UBXN2A: variants seen among roughly 807,000 people sequenced by gnomAD.
UBXN2A encodes UBX domain-containing protein 2A.
Under a neutral mutation model 28.4 loss-of-function variants are expected in UBXN2A, and 28 were observed. That is an observed-to-expected ratio of 0.99 (90% CI 0.73 to 1.35). The LOEUF (loss-of-function observed/expected upper bound fraction) is 1.35. Among genes scored for constraint, UBXN2A ranks in the 40% most tolerant of loss-of-function variants. The pLI is 0.00. For synonymous variants in UBXN2A, 97 were observed against 103.6 expected, an observed-to-expected ratio of 0.94 and a Z score of 0.39; for missense variants, 253 against 297.9, an observed-to-expected ratio of 0.85 and a Z score of 1.11.
intron 6 of UBXN2A, among the ~76,000 whole-genome samples, chr2:23,987,278 A>G (rs1353547719): frequency 6.6e-6 from 1 of 152,168 alleles, no homozygotes; most frequent in Admixed American, 6.6e-5. Context: ...ACCTCAAAAC[A>G]TAGATTCTTA....
intron 3 of UBXN2A, among the ~76,000 whole-genome samples, chr2:23,976,216 A>G (rs569402890): frequency 1.3e-5 from 2 of 152,172 alleles, no homozygotes; most frequent in Non-Finnish European, 2.9e-5. Flanking sequence ...AGCGGGAGCT[A>G]CCGCGCCTGG....
chr2:23,932,340 A>G (rs1363238074), intron 1 of UBXN2A, among the ~76,000 whole-genome samples: 3 of 152,122 alleles, frequency 2.0e-5, no homozygotes, highest in Non-Finnish European at 4.4e-5. Context: ...GGAAAAAAAA[A>G]AAAAGAAATG....
intron 6 of UBXN2A, among the ~76,000 whole-genome samples, chr2:23,989,783 G>A (rs769149706): frequency 1.3e-5 from 2 of 151,942 alleles, no homozygotes; most frequent in African/African-American, 2.4e-5. Flanking sequence ...CTCACCTGTG[G>A]TCTCAGATAC....
intron 2 of UBXN2A, among the ~76,000 whole-genome samples, chr2:23,967,894 T>A (rs1055927812): frequency 7.9e-5 from 12 of 151,964 alleles, no homozygotes; most frequent in African/African-American, 2.9e-4. Flanking sequence ...AGCACTGCCC[T>A]GAGTATCGGC....
intron 4 of UBXN2A, 186 bp downstream of exon 4, chr2:23,977,261 A>G: frequency 2.9e-6 from 1 of 350,348 alleles, no homozygotes; most frequent in Non-Finnish European, 5.4e-6. Flanking sequence ...TGGGAGACTG[A>G]GGCTACAGTG....
chr2:23,990,325 A>T (rs1423507781), intron 6 of UBXN2A, among the ~76,000 whole-genome samples: 1 of 151,428 alleles, frequency 6.6e-6, no homozygotes, highest in East Asian at 2.0e-4. Flanking sequence ...CTGCTCTTCC[A>T]TATGAATGCT....
At chr2:23,953,042 A>C (rs939415748) in intron 1 of UBXN2A, among the ~76,000 whole-genome samples, 12 of 150,990 alleles carry the variant, frequency 7.9e-5, no homozygotes, top group African/African-American at 2.9e-4. Context: ...TTAAATGTGG[A>C]TACACATTGC....
Position 23,947,092 on chromosome 2 carries a change from T to C in UBXN2A, c.-15+6444T>C, listed in dbSNP as rs193114182. On this transcript the variant is annotated intron_variant, in intron 1 of 6. Transcript: ENST00000309033. ...TAGTAGTGACAGGGTCTCACTGTGT[T>C]GCCTAGGCTGATCTTGAACTCCTAG... Among the ~76,000 whole-genome samples, 490 of 152,278 alleles carry C rather than the reference T, an allele frequency of 3.2e-3. 4 individuals are homozygous for C. Among genetic ancestry groups the C allele is most frequent in the African/African-American group, 0.011 (454 of 41,554 alleles).
chr2:23,953,504 C>T (rs74983619), intron 1 of UBXN2A, among the ~76,000 whole-genome samples: 5,841 of 152,220 alleles, frequency 0.038, 106 homozygotes, highest in South Asian at 0.046. Flanking sequence ...ATCGTCACAC[C>T]CTAAAAATTA....
rs779862238 is a variant in UBXN2A, at chr2:23,999,813, C to T, written c.726C>T (p.Val242=). Residue 242 remains valine (V), a synonymous_variant, in exon 7 of 7, where the codon GTC becomes GTT. Coordinates refer to ENST00000309033, the MANE Select transcript of UBXN2A (RefSeq NM_181713.4). ...TLEEADLQNA[V]IIQRLQKTAS... ...AAGAAGCAGATTTACAGAATGCTGT[C>T]ATCATTCAGAGACTCCAAAAAACTG... is the stretch of plus-strand genomic sequence containing the variant. The T allele has an allele frequency of 6.2e-5, 100 of 1,613,992 alleles. No homozygotes were observed. Among genetic ancestry groups the T allele is most frequent in the Non-Finnish European group, 7.8e-5 (92 of 1,180,036 alleles).
upstream of UBXN2A, among the ~76,000 whole-genome samples, chr2:23,937,033 C>T (rs113014365): frequency 0.19 from 28,061 of 151,650 alleles, 2,692 homozygotes; most frequent in Middle Eastern, 0.26. Context: ...TTCTGTTTTT[C>T]TTAAGTCTAG....
intron 1 of UBXN2A, among the ~76,000 whole-genome samples, chr2:23,948,322 C>T (rs574207521): frequency 7.5e-5 from 11 of 145,812 alleles, no homozygotes; most frequent in South Asian, 2.2e-4. Context: ...GGCGTGATCT[C>T]GGCTCACTGC....
intron 6 of UBXN2A, among the ~76,000 whole-genome samples, chr2:23,987,032 G>A (rs1708159194): frequency 6.6e-6 from 1 of 152,020 alleles, no homozygotes; most frequent in Non-Finnish European, 1.5e-5. Flanking sequence ...GGTTGAGGCT[G>A]TGATGAGCCA....
chr2:23,950,996 T>C (rs1558840302), intron 1 of UBXN2A, among the ~76,000 whole-genome samples: 1 of 152,124 alleles, frequency 6.6e-6, no homozygotes, highest in Non-Finnish European at 1.5e-5. Context: ...TATTTTTTAG[T>C]TGACAATAAT....
intron 1 of UBXN2A, among the ~76,000 whole-genome samples, chr2:23,949,961 C>T (rs1041834023): frequency 4.0e-5 from 6 of 151,802 alleles, no homozygotes; most frequent in Non-Finnish European, 8.8e-5. Flanking sequence ...AAAGTCAGAG[C>T]TTTTAATGTA....
chr2:23,994,413 G>T (rs1371179011), intron 6 of UBXN2A, among the ~76,000 whole-genome samples: 2 of 152,030 alleles, frequency 1.3e-5, no homozygotes, highest in Non-Finnish European at 2.9e-5. Flanking sequence ...TTTTGTCTTT[G>T]GCATTTGTGG....
rs980952155 is a variant in UBXN2A at position 24,004,289 on chromosome 2, C to G, written c.*4422C>G. The G allele has an allele frequency of 2.6e-5, 4 of 152,130 alleles. No homozygotes were observed. Among genetic ancestry groups the G allele is most frequent in the African/African-American group, 9.7e-5 (4 of 41,434 alleles). The allele number at this position is 152,130 out of a possible 1,614,324, so 9.4% of individuals were successfully genotyped here. A position where few individuals can be genotyped will look rare whatever the true frequency, so the allele number is the denominator to read the frequency against. ...AAATAATCACCTTAGATGGGGCATA[C>G]AATTTGACCTAAGCAATTGTTTCAA... On this transcript the variant is annotated 3_prime_UTR_variant, in exon 7 of 7. Coordinates refer to ENST00000309033, the MANE Select transcript of UBXN2A (RefSeq NM_181713.4).
chr2:23,966,624 T>C (rs907586160), intron 2 of UBXN2A, among the ~76,000 whole-genome samples: 2 of 149,798 alleles, frequency 1.3e-5, no homozygotes, highest in African/African-American at 4.9e-5. Flanking sequence ...GGCTAATTTT[T>C]GTATTTTTAG....
intron 4 of UBXN2A, 23 bp from the exon 5 acceptor site, chr2:23,982,873 A>G (rs1162981355): frequency 3.8e-6 from 6 of 1,576,674 alleles, no homozygotes; most frequent in African/African-American, 2.7e-5. Flanking sequence ...GAGCTTTATC[A>G]TTTTCTTTCT....
Sources: gnomAD v4.1 joint callset for allele counts (sites outside exome capture counted in the v4.1 genomes callset) on GRCh38, gnomAD v4.1.1 for gene constraint, MANE v1.5 for transcripts, NCBI Gene and HGNC (gene_info 2026-07-23, HGNC 2026-07-21) for gene names.